Variants in MED15 observed in about 807,000 individuals in gnomAD.
The protein encoded by MED15 is mediator of RNA polymerase II transcription subunit 15.
In MED15, 41 loss-of-function variants were observed where a neutral mutation model predicts 118.7. That is an observed-to-expected ratio of 0.35 (90% CI 0.27 to 0.45). MED15 has a LOEUF of 0.45. MED15 is among the 20% of genes least tolerant of loss of function. The probability of loss-of-function intolerance (pLI) is 1.00; values close to 1 mark genes in which losing one functional copy is unlikely to be tolerated. For synonymous variants in MED15, 436 were observed against 413.9 expected (o/e 1.05, Z -0.65); for missense variants, 740 against 1,025.5 (o/e 0.72, Z 3.80).
intron 4 of MED15, among the ~76,000 whole-genome samples, 184 bp downstream of exon 4, chr22:20,553,358 G>T (rs560279127): frequency 2.0e-5 from 3 of 151,908 alleles, no homozygotes; most frequent in African/African-American, 7.3e-5. Flanking sequence ...TCGTCTTCCT[G>T]CAGACTGTGA....
intron 1 of MED15, among the ~76,000 whole-genome samples, chr22:20,517,816 C>T (rs1467129513): frequency 6.6e-6 from 1 of 152,080 alleles, no homozygotes; most frequent in Non-Finnish European, 1.5e-5. Context: ...GAAGATGCAA[C>T]CAGTCAGCTC....
intron 1 of MED15, chr22:20,518,781 C>T (rs1013636497): frequency 2.3e-5 from 10 of 427,242 alleles, no homozygotes; most frequent in East Asian, 7.1e-5. Flanking sequence ...CTGCCTAAAC[C>T]GTTCTGAACT....
chr22:20,585,677 A>G lies in MED15; in HGVS notation c.2132-51A>G, dbSNP rs368602031. 374 of 1,555,138 alleles carry G rather than the reference A, an allele frequency of 2.4e-4. 1 individual carries two copies. The highest frequency in any genetic ancestry group is 7.5e-4 in the Admixed American group (45 of 59,806). On this transcript the variant is annotated intron_variant, in intron 16 of 17. Coordinates refer to ENST00000263205, the MANE Select transcript of MED15 (RefSeq NM_001003891.3). ...CTGTTCCAGAGCAGGGCTGTGAGGC[A>G]GGGCAGGCCGGGGCTTGTCCAGGTC... is the stretch of plus-strand genomic sequence containing the variant.
rs184104962 is a variant in MED15 at position 20,559,209 on chromosome 22, G to A, written c.451+4061G>A. Reference sequence around the variant, plus strand: ...AAAGAGCAGAAATTCAAATGAAAAAGCATCATCAGGAGCAATGAAGCAGAT... The same window carrying A: ...AAAGAGCAGAAATTCAAATGAAAAAACATCATCAGGAGCAATGAAGCAGAT... On this transcript the variant is annotated intron_variant, in intron 5 of 17. Transcript: ENST00000263205. Among the ~76,000 whole-genome samples the A allele has an allele frequency of 1.4e-4, 21 of 152,204 alleles. No individual in the cohort carries two copies. In the East Asian group the frequency reaches 3.3e-3, roughly 24 times the overall value.
intron 8 of MED15, 43 bp from the exon 9 acceptor site, chr22:20,575,066 GTTTC>G: frequency 5.6e-6 from 9 of 1,609,478 alleles, no homozygotes; most frequent in Non-Finnish European, 7.6e-6. Context: ...CAGGCACTGA[GTTTC>G]TTTGTTGCGA....
intron 1 of MED15, among the ~76,000 whole-genome samples, chr22:20,515,299 G>A (rs923776246): frequency 3.3e-5 from 5 of 152,166 alleles, no homozygotes; most frequent in Non-Finnish European, 7.3e-5. Flanking sequence ...ACATTTATAA[G>A]ATGAGGAAAA....
At chr22:20,541,085 A>C (rs144714885) in intron 2 of MED15, among the ~76,000 whole-genome samples, 1,794 of 152,018 alleles carry the variant, frequency 0.012, 38 homozygotes, top group African/African-American at 0.039. Flanking sequence ...AAAAAGGAAA[A>C]AAAATTAGCC....
At chr22:20,581,021 C>T (rs1449433292) in intron 9 of MED15, among the ~76,000 whole-genome samples, 2 of 152,228 alleles carry the variant, frequency 1.3e-5, no homozygotes, top group African/African-American at 4.8e-5. Flanking sequence ...ACAGTCCATT[C>T]CATCGGTTGA....
In MED15 at chr22:20,549,949, TA is replaced by T. The variant is rs1286078325; in HGVS notation, c.157-1483del. ...CTTGTTTGAGTGTCTTATGTCTAAG[TA>T]AAAGTATCTTGTTGCTTTTGAAACC... is the stretch of plus-strand genomic sequence containing the variant. On this transcript the variant is annotated intron_variant, in intron 2 of 17. Transcript: ENST00000263205. Among the ~76,000 whole-genome samples the T allele has an allele frequency of 2.0e-5, 3 of 152,254 alleles. No individual in the cohort carries two copies. The East Asian group carries it at 5.8e-4, about 29-fold the overall frequency.
In MED15 at chr22:20,564,323, G is replaced by A. The variant is rs769814725; in HGVS notation, c.452-127G>A. 2.6e-4 allele frequency: 386 copies of A among 1,491,654 alleles called. 1 individual carries two copies. Among genetic ancestry groups the A allele is most frequent in the Non-Finnish European group, 3.3e-4 (361 of 1,103,636 alleles). 92.4% of individuals were successfully genotyped at this position (1,491,654 alleles called of 1,614,324 possible). ...TCTTTCTGTCTGTGGTAAATGGAAC[G>A]TTCAGATTCCAGCGGCAGCCGTGGC... On this transcript the variant is annotated intron_variant, in intron 5 of 17. Transcript: ENST00000263205.
chr22:20,548,681 T>C (rs2055651439), intron 2 of MED15, among the ~76,000 whole-genome samples: 1 of 152,234 alleles, frequency 6.6e-6, no homozygotes, highest in Non-Finnish European at 1.5e-5. Context: ...AAAAGGTGTA[T>C]GTCATGCAGT....
In MED15 at chr22:20,570,224, C is replaced by G. The variant is rs577302406; in HGVS notation, c.1152+1593C>G. On this transcript the variant is annotated intron_variant, in intron 8 of 17. Transcript: ENST00000263205. Reference sequence around the variant, plus strand: ...ATTTTTAGTAGAGACATGGTTTCATCATGTTGGCCAGGATGGTCTCCATCT... The same window carrying G: ...ATTTTTAGTAGAGACATGGTTTCATGATGTTGGCCAGGATGGTCTCCATCT... Among the ~76,000 whole-genome samples, 6 of 152,018 alleles carry G rather than the reference C, an allele frequency of 3.9e-5. No individual in the cohort carries two copies. The East Asian group carries it at 7.8e-4, about 20-fold the overall frequency.
At chr22:20,514,742 T>C (rs1176016820) in intron 1 of MED15, among the ~76,000 whole-genome samples, 1 of 152,210 alleles carries the variant, frequency 6.6e-6, no homozygotes, top group Non-Finnish European at 1.5e-5. Flanking sequence ...TCCAAGGGTC[T>C]GGAGAGGTCT....
At position 20,584,869 on chromosome 22, in the gene MED15, G is replaced by A. The variant is rs779470796; in HGVS notation, c.1818G>A (p.Pro606=). The change falls in exon 15 of 18, where the codon CCG becomes CCA. Residue 606 remains proline, a synonymous_variant. Coordinates refer to ENST00000263205, the MANE Select transcript of MED15 (RefSeq NM_001003891.3). ...KNDMAVPTPP[P]PPVPPTKQQY... is the part of the protein sequence containing the mutation. ...CCTGTCTCCAGCCCACTCCCCCACCGCCCCCGGTGCCACCGACCAAACAGC... is the reference window on the plus strand; with the variant it reads ...CCTGTCTCCAGCCCACTCCCCCACCACCCCCGGTGCCACCGACCAAACAGC... The A allele has an allele frequency of 3.7e-6, 6 of 1,609,278 alleles. No homozygotes were observed. The highest frequency in any genetic ancestry group is 2.2e-5 in the East Asian group (1 of 44,844).
intron 3 of MED15, among the ~76,000 whole-genome samples, chr22:20,552,369 G>A (rs2055813853): frequency 6.6e-6 from 1 of 152,208 alleles, no homozygotes; most frequent in Admixed American, 6.5e-5. Context: ...GAGCCTGGTA[G>A]GTTTTGCTTC....
At position 20,586,570 on chromosome 22, in the gene MED15, G is replaced by T. The variant is rs139902214; in HGVS notation, c.2233G>T (p.Ala745Ser). Residue 745 changes from alanine to serine, a missense_variant and splice_region_variant, in exon 18 of 18, where the codon GCC (alanine) becomes TCC (serine). By Grantham distance (99) the Ala-to-Ser change is moderately conservative. Transcript: ENST00000263205. ...LWIDRQWQYD[A>S]NPFLQSVHRC... Reference sequence around the variant, plus strand: ...TCACGCCCACTGCTCTGTTGCAGACGCCAACCCCTTCCTCCAGTCGGTGCA... The same window carrying T: ...TCACGCCCACTGCTCTGTTGCAGACTCCAACCCCTTCCTCCAGTCGGTGCA... 9 of 1,612,292 alleles carry T rather than the reference G, an allele frequency of 5.6e-6. No homozygotes were observed. The South Asian group carries it at 9.9e-5, about 18-fold the overall frequency.
intron 1 of MED15, chr22:20,518,789 A>G: frequency 7.1e-5 from 31 of 437,728 alleles, no homozygotes; most frequent in South Asian, 5.1e-4. Flanking sequence ...ACCGTTCTGA[A>G]CTTCTCATTT....
At chr22:20,554,582 C>T (rs1833753686) in intron 4 of MED15, 3 of 194,932 alleles carry the variant, frequency 1.5e-5, no homozygotes, top group Non-Finnish European at 3.1e-5. Flanking sequence ...GCTTTGTACG[C>T]TCACCCAGCA....
At chr22:20,515,181 C>T (rs189883128) in intron 1 of MED15, among the ~76,000 whole-genome samples, 14 of 152,326 alleles carry the variant, frequency 9.2e-5, no homozygotes, top group Admixed American at 3.9e-4. Flanking sequence ...TTCTCAACAG[C>T]AGCTGACGTG....
Sources: gnomAD v4.1 joint callset for allele counts (sites outside exome capture counted in the v4.1 genomes callset) on GRCh38, gnomAD v4.1.1 for gene constraint, MANE v1.5 for transcripts, NCBI Gene and HGNC (gene_info 2026-07-23, HGNC 2026-07-21) for gene names.